The following KDELR2 variants were observed in gnomAD, a reference collection of about 807,000 sequenced individuals.
KDELR2 encodes ER lumen protein-retaining receptor 2.
A neutral mutation model predicts 23.9 loss-of-function variants in KDELR2; 15 were observed. That is an observed-to-expected ratio of 0.63 (90% CI 0.42 to 0.97). KDELR2 has a LOEUF of 0.97. Ranked by LOEUF, KDELR2 falls within the 50% of genes least tolerant of loss-of-function variation. The pLI is 0.00. For missense variants in KDELR2, 272 were observed against 254.6 expected, an observed-to-expected ratio of 1.07 and a Z score of -0.46; for synonymous variants, 119 against 106.2, an observed-to-expected ratio of 1.12 and a Z score of -0.74.
rs756989128 is a variant in KDELR2, at chr7:6,462,965, A to G, written c.*176T>C. 3 of 1,611,866 alleles carry G rather than the reference A, an allele frequency of 1.9e-6. No homozygotes were observed. The South Asian group carries it at 3.3e-5, about 18-fold the overall frequency. ...AATAAAAAAAGATAAGGCAAGATGC[A>G]TTAAACAGAAACCTTCTGGCTCTTT... On this transcript the variant is annotated 3_prime_UTR_variant, in exon 5 of 5. Coordinates refer to ENST00000258739, the MANE Select transcript of KDELR2 (RefSeq NM_006854.4).
chr7:6,467,425 A>G (rs1374877993), intron 3 of KDELR2, among the ~76,000 whole-genome samples: 1 of 152,168 alleles, frequency 6.6e-6, no homozygotes, highest in East Asian at 1.9e-4. Flanking sequence ...TTTATTCACG[A>G]TGATGATAGA....
intron 4 of KDELR2, among the ~76,000 whole-genome samples, chr7:6,465,864 T>G (rs532549283): frequency 6.6e-6 from 1 of 152,154 alleles, no homozygotes; most frequent in Non-Finnish European, 1.5e-5. Flanking sequence ...AGTGAAAATG[T>G]GTCACTTTAG....
chr7:6,466,761 C>T (rs1485959589), intron 3 of KDELR2, among the ~76,000 whole-genome samples: 2 of 151,838 alleles, frequency 1.3e-5, no homozygotes, highest in African/African-American at 4.8e-5. Flanking sequence ...TCATAAGGAG[C>T]ATGCAACCTA....
At chr7:6,479,312 G>A (rs1028585307) in intron 1 of KDELR2, among the ~76,000 whole-genome samples, 8 of 151,176 alleles carry the variant, frequency 5.3e-5, no homozygotes, top group Non-Finnish European at 7.4e-5. Flanking sequence ...GCACCACCAC[G>A]GCTGGCTAAC....
At chr7:6,467,710 G>T (rs928995968) in intron 3 of KDELR2, among the ~76,000 whole-genome samples, 1 of 151,978 alleles carries the variant, frequency 6.6e-6, no homozygotes, top group African/African-American at 2.4e-5. Context: ...GCAGTGAGCC[G>T]AGATCATGCC....
At chr7:6,475,162 A>G (rs1166782618) in intron 1 of KDELR2, among the ~76,000 whole-genome samples, 1 of 152,180 alleles carries the variant, frequency 6.6e-6, no homozygotes, top group Non-Finnish European at 1.5e-5. Flanking sequence ...CTTCCCTCTC[A>G]GTTAGGCATA....
rs10272989 is a variant in KDELR2, at chr7:6,462,784, A to G, written c.*357T>C. 5.7e-6 allele frequency: 3 copies of G among 526,466 alleles called. No homozygotes were observed. The African/African-American group carries it at 5.8e-5, about 10-fold the overall frequency. The allele number at this position is 526,466 out of a possible 1,614,324, so 32.6% of individuals were successfully genotyped here. A position where few individuals can be genotyped will look rare whatever the true frequency, so the allele number is the denominator to read the frequency against. ...GTACAATTTCATTGCAGACACAAAG[A>G]CTTAAGAGTTTCAAAGAATTTTTTA... On this transcript the variant is annotated 3_prime_UTR_variant, in exon 5 of 5. Coordinates refer to ENST00000258739, the MANE Select transcript of KDELR2 (RefSeq NM_006854.4).
intron 2 of KDELR2, among the ~76,000 whole-genome samples, chr7:6,471,773 T>C (rs185236991): frequency 6.6e-6 from 1 of 152,332 alleles, no homozygotes; most frequent in African/African-American, 2.4e-5. Context: ...TGGTTTCTAA[T>C]TTGGGAGGAC....
chr7:6,467,257 T>C (rs1187698348), intron 3 of KDELR2, among the ~76,000 whole-genome samples: 2 of 152,206 alleles, frequency 1.3e-5, no homozygotes, highest in Non-Finnish European at 1.5e-5. Flanking sequence ...ATAAGCTCCT[T>C]CCACTTCCTC....
chr7:6,467,494 C>G (rs1583316270), intron 3 of KDELR2, among the ~76,000 whole-genome samples: 1 of 152,122 alleles, frequency 6.6e-6, no homozygotes, highest in South Asian at 2.1e-4. Context: ...GGTGTGGTGG[C>G]TCATGCCTGT....
intron 1 of KDELR2, chr7:6,482,292 G>A (rs1247959932): frequency 6.0e-5 from 11 of 182,428 alleles, no homozygotes; most frequent in South Asian, 1.8e-4. Flanking sequence ...AGCCATCGCG[G>A]CCGGCCCTCC....
At chr7:6,463,538 C>A (rs563417907) in intron 4 of KDELR2, among the ~76,000 whole-genome samples, 2 of 151,674 alleles carry the variant, frequency 1.3e-5, no homozygotes, top group Non-Finnish European at 2.9e-5. Context: ...CAAGACCAGC[C>A]TGGGCAAAAA....
chr7:6,483,540 C>G (rs932091130), intron 1 of KDELR2, among the ~76,000 whole-genome samples: 2 of 152,210 alleles, frequency 1.3e-5, no homozygotes, highest in African/African-American at 4.8e-5. Context: ...CACGATCCTG[C>G]CCATCCTCCT....
chr7:6,469,064 G>C (rs973061047), intron 3 of KDELR2, among the ~76,000 whole-genome samples: 1 of 151,326 alleles, frequency 6.6e-6, no homozygotes, highest in African/African-American at 2.4e-5. Flanking sequence ...CCATTCTCCT[G>C]CCTCAGCCTC....
chr7:6,461,899 G>A lies in KDELR2; in HGVS notation c.*1242C>T, dbSNP rs991455308. On this transcript the variant is annotated 3_prime_UTR_variant, in exon 5 of 5. Transcript: ENST00000258739. ...CTAGTATTTCCACAAAATACATAAT[G>A]TCTTACAGATGATTATGTGAACTTT... 3.9e-5 allele frequency: 6 copies of A among 152,080 alleles called. No homozygotes were observed. Among genetic ancestry groups the A allele is most frequent in the African/African-American group, 1.4e-4 (6 of 41,414 alleles). 9.4% of individuals were successfully genotyped at this position (152,080 alleles called of 1,614,324 possible).
At chr7:6,470,041 T>C (rs1450494953) in intron 2 of KDELR2, 1 of 265,662 alleles carries the variant, frequency 3.8e-6, no homozygotes, top group Non-Finnish European at 7.2e-6. Flanking sequence ...CCTCCTGCAG[T>C]GCAATCACAC....
At chr7:6,477,244 C>T (rs890540379) in intron 1 of KDELR2, among the ~76,000 whole-genome samples, 4 of 152,140 alleles carry the variant, frequency 2.6e-5, no homozygotes, top group Non-Finnish European at 5.9e-5. Flanking sequence ...TGGAAATCTG[C>T]GGATGCTAAC....
chr7:6,481,029 T>A (rs1785876728), intron 1 of KDELR2, among the ~76,000 whole-genome samples: 1 of 152,202 alleles, frequency 6.6e-6, no homozygotes, highest in Non-Finnish European at 1.5e-5. Flanking sequence ...AAGTATTTCA[T>A]ATTTTCCTTA....
chr7:6,483,959 C>A lies in KDELR2; in HGVS notation c.91+8G>T. ...CCGAGCCTCTCCGGGCCTTCCCCCG[C>A]CGCTCACCGGCGCAGGAGCGCGTCT... On this transcript the variant is annotated splice_region_variant and intron_variant, in intron 1 of 4. Transcript: ENST00000258739. The A allele has an allele frequency of 6.6e-7, 1 of 1,512,220 alleles. No individual in the cohort carries two copies. Among genetic ancestry groups the A allele is most frequent in the Non-Finnish European group, 8.9e-7 (1 of 1,126,364 alleles). The allele number at this position is 1,512,220 out of a possible 1,614,324, so 93.7% of individuals were successfully genotyped here.
Sources: allele counts gnomAD v4.1 joint callset (sites outside exome capture counted in the v4.1 genomes callset), GRCh38; gene constraint gnomAD v4.1.1; transcripts MANE v1.5; gene names NCBI Gene and HGNC (gene_info 2026-07-23, HGNC 2026-07-21).